ICAM2: variants seen among roughly 807,000 people sequenced by gnomAD.
ICAM2 encodes intercellular adhesion molecule 2.
In ICAM2, 14 loss-of-function variants were observed where a neutral mutation model predicts 19.1. The ratio of observed to expected loss-of-function variants is 0.73; its 90% CI spans 0.48 to 1.15. The LOEUF (loss-of-function observed/expected upper bound fraction) is 1.15, where lower values mean the gene tolerates loss of function less well. ICAM2 is among the 50% of genes most tolerant of loss of function. The pLI is 0.00. For synonymous variants in ICAM2, 153 were observed against 152.7 expected (o/e 1.00, Z -0.01); for missense variants, 311 against 355.4 (o/e 0.88, Z 1.00).
chr17:64,011,721 A>AGACC (rs1319523408), intron 1 of ICAM2, among the ~76,000 whole-genome samples: 2 of 152,126 alleles, frequency 1.3e-5, no homozygotes, highest in Non-Finnish European at 2.9e-5. Flanking sequence ...CAACACAGGG[A>AGACC]GACCCTGTCT....
rs1373512337 is a variant in ICAM2, at chr17:64,006,755, G to A, written c.-44-20C>T. 12 of 1,433,674 alleles carry A rather than the reference G, an allele frequency of 8.4e-6. No individual in the cohort carries two copies. Among genetic ancestry groups the A allele is most frequent in the South Asian group, 1.2e-5 (1 of 86,492 alleles). 88.8% of individuals were successfully genotyped at this position (1,433,674 alleles called of 1,614,324 possible). A position where few individuals can be genotyped will look rare whatever the true frequency, so the allele number is the denominator to read the frequency against. ...GGCTGCCTGGAGGGAGATGGTGGGC[G>A]CAGGTCTGAGCTATGGCCCAGAATC... On this transcript the variant is annotated intron_variant, in intron 1 of 4. Transcript: ENST00000579788.
intron 1 of ICAM2, among the ~76,000 whole-genome samples, chr17:64,018,067 G>C (rs1407798242): frequency 6.6e-6 from 1 of 152,002 alleles, no homozygotes; most frequent in Non-Finnish European, 1.5e-5. Flanking sequence ...AAACAGGTCG[G>C]GTGCGGCTGT....
At chr17:64,007,338 C>T (rs1911259393) in intron 1 of ICAM2, among the ~76,000 whole-genome samples, 2 of 151,982 alleles carry the variant, frequency 1.3e-5, no homozygotes, top group African/African-American at 2.4e-5. Context: ...TTTTGGTTCA[C>T]TGCAACCTCT....
At position 64,003,630 on chromosome 17, in the gene ICAM2, G is replaced by A. The variant is rs140619763; in HGVS notation, c.649+14C>T. On this transcript the variant is annotated intron_variant, in intron 4 of 4. Coordinates refer to ENST00000579788, the MANE Select transcript of ICAM2 (RefSeq NM_001099789.2). ...ACTTATCACTCCCAACTCCATCCAC[G>A]GATCCCCCCTCACCATAGATCTCCA... 3.7e-4 allele frequency: 600 copies of A among 1,603,780 alleles called. 3 individuals carry two copies. The highest frequency in any genetic ancestry group is 1.5e-3 in the South Asian group (132 of 89,666).
chr17:64,007,975 T>C (rs1283097742), intron 1 of ICAM2, among the ~76,000 whole-genome samples: 1 of 152,168 alleles, frequency 6.6e-6, no homozygotes, highest in South Asian at 2.1e-4. Context: ...ACTTCTTGCT[T>C]TCTCAGGGGA....
chr17:64,003,420 G>T, intron 4 of ICAM2: 1 of 573,250 alleles, frequency 1.7e-6, no homozygotes, highest in South Asian at 2.1e-5. Context: ...GGGGCTTGAT[G>T]GTGGCCGAGG....
intron 2 of ICAM2, 28 bp from the exon 3 acceptor site, chr17:64,005,401 G>T: frequency 6.2e-7 from 1 of 1,602,906 alleles, no homozygotes; most frequent in Non-Finnish European, 8.5e-7. Context: ...CTGGGCAGTC[G>T]TGTCATCCCC....
chr17:64,017,870 A>G (rs1005192516), intron 1 of ICAM2, among the ~76,000 whole-genome samples: 1 of 152,238 alleles, frequency 6.6e-6, no homozygotes, highest in African/African-American at 2.4e-5. Context: ...ATATAGAGAA[A>G]AAAAGGGGAA....
At chr17:64,004,240 C>A in intron 3 of ICAM2, 1 of 448,302 alleles carries the variant, frequency 2.2e-6, no homozygotes, top group Non-Finnish European at 4.0e-6. Flanking sequence ...AAGTTTGGGT[C>A]TGTCTCCTCT....
At chr17:64,011,810 A>G (rs779335413) in intron 1 of ICAM2, among the ~76,000 whole-genome samples, 1 of 152,240 alleles carries the variant, frequency 6.6e-6, no homozygotes, top group Non-Finnish European at 1.5e-5. Context: ...GCTTACATGC[A>G]GTTAGGAAGA....
chr17:64,006,536 G>T (rs1911217245), intron 2 of ICAM2, 95 bp downstream of exon 2: 2 of 1,044,338 alleles, frequency 1.9e-6, no homozygotes, highest in African/African-American at 1.6e-5. Context: ...AGCAACTTTT[G>T]GGACTTCTCT....
chr17:64,003,890 T>C lies in ICAM2; in HGVS notation c.403A>G (p.Arg135Gly). 6.2e-7 allele frequency: 1 copy of C among 1,614,188 alleles called. No homozygotes were observed. The highest frequency in any genetic ancestry group is 8.5e-7 in the Non-Finnish European group (1 of 1,180,016). The change falls in exon 4 of 5, where the codon AGG (arginine) becomes GGG (glycine). Residue 135 changes from arginine (R) to glycine (G), a missense_variant. By Grantham distance (125) the Arg-to-Gly change is moderately radical (BLOSUM62 -2). Coordinates refer to ENST00000579788, the MANE Select transcript of ICAM2 (RefSeq NM_001099789.2). ...TCCAGGGGCTCCACGGTGGGCACCCTGCACTCAATGGTGAAGGACTTGCCC... is the reference window on the plus strand; with the variant it reads ...TCCAGGGGCTCCACGGTGGGCACCCCGCACTCAATGGTGAAGGACTTGCCC... Reference protein sequence around the residue: ...AVGKSFTIECRVPTVEPLDSL... With the variant: ...AVGKSFTIECGVPTVEPLDSL...
At position 64,003,627 on chromosome 17, in the gene ICAM2, C is replaced by G. The variant is rs767295983; in HGVS notation, c.649+17G>C. ...GTGACTTATCACTCCCAACTCCATC[C>G]ACGGATCCCCCCTCACCATAGATCT... On this transcript the variant is annotated intron_variant, in intron 4 of 4. Coordinates refer to ENST00000579788, the MANE Select transcript of ICAM2 (RefSeq NM_001099789.2). 2 of 1,602,096 alleles carry G rather than the reference C, an allele frequency of 1.2e-6. No individual in the cohort carries two copies. Among genetic ancestry groups the G allele is most frequent in the Admixed American group, 3.4e-5 (2 of 59,538 alleles).
intron 1 of ICAM2, among the ~76,000 whole-genome samples, chr17:64,017,222 A>G (rs1421397462): frequency 6.6e-6 from 1 of 152,248 alleles, no homozygotes; most frequent in Non-Finnish European, 1.5e-5. Flanking sequence ...CAAAAGAATC[A>G]TCAGGCAAGT....
intron 1 of ICAM2, among the ~76,000 whole-genome samples, chr17:64,017,420 T>G (rs1406522576): frequency 6.6e-6 from 1 of 152,006 alleles, no homozygotes; most frequent in African/African-American, 2.4e-5. Flanking sequence ...AGTAAGAAAA[T>G]TATAATACTT....
In ICAM2 at chr17:64,005,165, T is replaced by C. The variant is rs763183242; in HGVS notation, c.270A>G (p.Gln90=). ...VSNISHDTVL[Q]CHFTCSGKQE... ...GCTTCCCGGAGCAGGTGAAGTGGCATTGGAGGACCGTGTCATGGGAGATGT... is the reference window on the plus strand; with the variant it reads ...GCTTCCCGGAGCAGGTGAAGTGGCACTGGAGGACCGTGTCATGGGAGATGT... The change falls in exon 3 of 5, where the codon CAA becomes CAG. Residue 90 remains glutamine, a synonymous_variant. Transcript: ENST00000579788. 4 of 1,614,150 alleles carry C rather than the reference T, an allele frequency of 2.5e-6. No individual in the cohort carries two copies. Among genetic ancestry groups the C allele is most frequent in the South Asian group, 1.1e-5 (1 of 91,088 alleles).
chr17:64,017,091 C>T (rs770121720), intron 1 of ICAM2, among the ~76,000 whole-genome samples: 3 of 152,048 alleles, frequency 2.0e-5, no homozygotes, highest in Non-Finnish European at 4.4e-5. Flanking sequence ...ATGATTTCTG[C>T]CTCTGTTTAA....
chr17:64,014,706 GAAGGAAGGAAGGAAGGAAGAAAGA>G (rs68006305), intron 1 of ICAM2, among the ~76,000 whole-genome samples: 28,984 of 84,484 alleles, frequency 0.34, 3,480 homozygotes, highest in East Asian at 0.42. Context: ...AGGAAGGAAG[GAAGGAAGGAAGGAAGGAAGAAAGA>G]AAGAAAGAAA....
chr17:64,003,922 A>G lies in ICAM2; in HGVS notation c.371T>C (p.Val124Ala). ...AATGGTGAAGGACTTGCCCACAGCC[A>G]CCAAAGTGGGTTGCAGTGTCAGGAT... ...QVILTLQPTL[V>A]AVGKSFTIEC... is the part of the protein sequence containing the mutation. Residue 124 changes from valine to alanine, a missense_variant, in exon 4 of 5, where the codon GTG becomes GCG. By Grantham distance (64) the Val-to-Ala change is moderately conservative. Coordinates refer to ENST00000579788, the MANE Select transcript of ICAM2 (RefSeq NM_001099789.2). 1 of 1,614,034 alleles carries G rather than the reference A, an allele frequency of 6.2e-7. No homozygotes were observed. Among genetic ancestry groups the G allele is most frequent in the Non-Finnish European group, 8.5e-7 (1 of 1,179,964 alleles).
Sources: gnomAD v4.1 joint callset for allele counts (sites outside exome capture counted in the v4.1 genomes callset) on GRCh38, gnomAD v4.1.1 for gene constraint, MANE v1.5 for transcripts, NCBI Gene and HGNC (gene_info 2026-07-23, HGNC 2026-07-21) for gene names.